The following EXOSC5 variants were observed in gnomAD, a reference collection of about 807,000 sequenced individuals.
EXOSC5 encodes the protein exosome complex component RRP46.
A neutral mutation model predicts 23.7 loss-of-function variants in EXOSC5; 15 were observed. That is an observed-to-expected ratio of 0.63 (90% CI 0.42 to 0.97). The LOEUF (loss-of-function observed/expected upper bound fraction) is 0.97. Among genes scored for constraint, EXOSC5 ranks in the 50% least tolerant of loss-of-function variants. The probability of loss-of-function intolerance (pLI) is 0.00; values close to 1 mark genes in which losing one functional copy is unlikely to be tolerated. For synonymous variants in EXOSC5, 143 were observed against 140.9 expected, an observed-to-expected ratio of 1.02 and a Z score of -0.11; for missense variants, 305 against 316.3, an observed-to-expected ratio of 0.96 and a Z score of 0.27.
chr19:41,392,971 G>C lies in EXOSC5; in HGVS notation c.158C>G (p.Ser53Cys), dbSNP rs1212761500. The C allele has an allele frequency of 1.2e-6, 2 of 1,613,014 alleles. No homozygotes were observed. Among genetic ancestry groups the C allele is most frequent in the African/African-American group, 1.3e-5 (1 of 74,898 alleles). ...GSASFLQGDT[S>C]VLAGVYGPAE... is the part of the protein sequence containing the mutation. ...CGGCCCGTACACACCCGCCAGGACA[G>C]AGGTGTCACCTGAGGAGACAGCAGG... The change falls in exon 2 of 6, where the codon TCT becomes TGT. Residue 53 changes from serine to cysteine, a missense_variant. Coordinates refer to ENST00000221233, the MANE Select transcript of EXOSC5 (RefSeq NM_020158.4).
rs766392972 is a variant in EXOSC5, at chr19:41,392,883, C to T, written c.246G>A (p.Pro82=). The change falls in exon 2 of 6, where the codon CCG becomes CCA. Residue 82 remains proline, a synonymous_variant. Transcript: ENST00000221233. ...NKATLEVILR[P]KIGLPGVAEK... ...CCCAATTACCAGGCAGCCCAATCTT[C>T]GGCCTCAGGATCACTTCGAGTGTGG... 3.0e-5 allele frequency: 48 copies of T among 1,613,816 alleles called. No homozygotes were observed. The highest frequency in any genetic ancestry group is 1.7e-4 in the Middle Eastern group (1 of 5,972).
chr19:41,394,972 T>C (rs2039050739), intron 1 of EXOSC5, among the ~76,000 whole-genome samples: 1 of 146,646 alleles, frequency 6.8e-6, no homozygotes, highest in African/African-American at 2.5e-5. Context: ...AGGTGGAGGG[T>C]GCAGTGAGCC....
intron 1 of EXOSC5, among the ~76,000 whole-genome samples, chr19:41,393,735 T>A (rs1011130447): frequency 1.3e-5 from 2 of 151,960 alleles, no homozygotes; most frequent in African/African-American, 4.8e-5. Context: ...AATTTTTTTA[T>A]TTTTAGTAGA....
At chr19:41,389,635 A>AT in intron 4 of EXOSC5, 130 bp downstream of exon 4, 1 of 1,320,666 alleles carries the variant, frequency 7.6e-7, no homozygotes. Flanking sequence ...AACCATGATG[A>AT]TTAGAGCAGC....
Position 41,397,286 on chromosome 19 carries a change from T to C in EXOSC5, c.43A>G (p.Asn15Asp), listed in dbSNP as rs779063390. Residue 15 changes from asparagine (N) to aspartate (D), a missense_variant, in exon 1 of 6, where the codon AAT becomes GAT. Transcript: ENST00000221233. ...THTDAKIRAE[N>D]GTGSSPRGPG... ...CCCCGAGGGCTGGACCCTGTTCCAT[T>C]TTCAGCACGGATTTTGGCGTCAGTA... 3 of 1,613,868 alleles carry C rather than the reference T, an allele frequency of 1.9e-6. No individual in the cohort carries two copies. In the African/African-American group the frequency reaches 4.0e-5, roughly 22 times the overall value.
chr19:41,387,995 C>A (rs907654608), intron 4 of EXOSC5, among the ~76,000 whole-genome samples: 4 of 152,224 alleles, frequency 2.6e-5, no homozygotes, highest in African/African-American at 4.8e-5. Context: ...GCCAGTCCCA[C>A]TGAGGGGACT....
At chr19:41,394,993 C>T (rs1352829924) in intron 1 of EXOSC5, among the ~76,000 whole-genome samples, 1 of 148,462 alleles carries the variant, frequency 6.7e-6, no homozygotes, top group Non-Finnish European at 1.5e-5. Flanking sequence ...ACGATCACTT[C>T]ACTGCACTCC....
Position 41,386,658 on chromosome 19 carries a change from A to G in EXOSC5, c.683T>C (p.Leu228Pro). ...QHVFRFYRES[L>P]QRRYSKS ...TCAGCTCTTGGAGTAACGCCTCTGC[A>G]GCGATTCCCGGTAGAAACGGAAGAC... The change falls in exon 6 of 6, where the codon CTG (leucine) becomes CCG (proline). Residue 228 changes from leucine to proline, a missense_variant. Leu to Pro is a moderately conservative substitution (Grantham distance 98, BLOSUM62 -3). Transcript: ENST00000221233. The G allele has an allele frequency of 1.3e-6, 2 of 1,599,342 alleles. No homozygotes were observed.
Position 41,386,677 on chromosome 19 carries a change from G to C in EXOSC5, c.664C>G (p.Arg222Gly). Residue 222 changes from arginine (R) to glycine (G), a missense_variant, in exon 6 of 6, where the codon CGT (arginine) becomes GGT (glycine). Transcript: ENST00000221233. ...AAQAASQHVF[R>G]FYRESLQRRY... ...CTCTGCAGCGATTCCCGGTAGAAAC[G>C]GAAGACGTGTTGCGAAGCGGCCTGG... 1 of 1,604,270 alleles carries C rather than the reference G, an allele frequency of 6.2e-7. No homozygotes were observed. Among genetic ancestry groups the C allele is most frequent in the South Asian group, 1.1e-5 (1 of 89,212 alleles).
Position 41,389,837 on chromosome 19 carries a change from G to A in EXOSC5, c.453C>T (p.Leu151=), listed in dbSNP as rs2039010561. 6.2e-7 allele frequency: 1 copy of A among 1,614,154 alleles called. No individual in the cohort carries two copies. The highest frequency in any genetic ancestry group is 8.5e-7 in the Non-Finnish European group (1 of 1,180,008). Residue 151 remains leucine, a synonymous_variant, in exon 4 of 6, where the codon CTC becomes CTT. Coordinates refer to ENST00000221233, the MANE Select transcript of EXOSC5 (RefSeq NM_020158.4). ...CCAGGGCGCAGGCGACCCCACAGAAGAGAGCCCGCATGGGCACACCTGCAT... is the reference window on the plus strand; with the variant it reads ...CCAGGGCGCAGGCGACCCCACAGAAAAGAGCCCGCATGGGCACACCTGCAT... The part of the protein sequence containing the change: ...LVDAGVPMRA[L]FCGVACALDS...
chr19:41,386,496 A>C lies in EXOSC5; in HGVS notation c.*137T>G. Reference sequence around the variant, plus strand: ...CTGTCACAGGCCAAGGCCTCCCCACAGGAGCCCTGTGGTTACAGAGCTGCA... The same window carrying C: ...CTGTCACAGGCCAAGGCCTCCCCACCGGAGCCCTGTGGTTACAGAGCTGCA... On this transcript the variant is annotated 3_prime_UTR_variant, in exon 6 of 6. Transcript: ENST00000221233. 1 of 775,794 alleles carries C rather than the reference A, an allele frequency of 1.3e-6. No individual in the cohort carries two copies. 48.1% of individuals were successfully genotyped at this position (775,794 alleles called of 1,614,324 possible).
In EXOSC5 at chr19:41,391,906, G is replaced by T; in HGVS notation, c.319C>A (p.Leu107Met). Residue 107 changes from leucine to methionine, a missense_variant, in exon 3 of 6, where the codon CTG (leucine) becomes ATG (methionine). By Grantham distance (15) the Leu-to-Met change is conservative. Transcript: ENST00000221233. ...LIRNTCEAVV[L>M]GTLHPRTSIT... ...GAGGTGCGGGGGTGCAACGTGCCCA[G>T]CACCACCGCCTCGCACGTGTTCCTG... 6.4e-7 allele frequency: 1 copy of T among 1,573,130 alleles called. No homozygotes were observed. Among genetic ancestry groups the T allele is most frequent in the Non-Finnish European group, 8.6e-7 (1 of 1,164,444 alleles).
chr19:41,394,463 C>T (rs1167676655), intron 1 of EXOSC5, among the ~76,000 whole-genome samples: 1 of 151,618 alleles, frequency 6.6e-6, no homozygotes, highest in Non-Finnish European at 1.5e-5. Context: ...GGTGGGAGGA[C>T]TGCTTGAGGC....
intron 3 of EXOSC5, among the ~76,000 whole-genome samples, chr19:41,390,240 G>A (rs8105833): frequency 0.56 from 85,288 of 151,990 alleles, 24,264 homozygotes; most frequent in Middle Eastern, 0.6. Flanking sequence ...AGCCTAAGAA[G>A]TTTCTACTGT....
At chr19:41,390,902 C>T (rs1243663987) in intron 3 of EXOSC5, among the ~76,000 whole-genome samples, 1 of 152,152 alleles carries the variant, frequency 6.6e-6, no homozygotes. Flanking sequence ...CTGTCCAGTT[C>T]AGGGCCACGT....
intron 4 of EXOSC5, among the ~76,000 whole-genome samples, chr19:41,388,985 A>C (rs562909778): frequency 1.8e-4 from 27 of 152,328 alleles, no homozygotes; most frequent in African/African-American, 6.5e-4. Context: ...TCACTCTTTC[A>C]TCCAGGCTGG....
At chr19:41,389,007 G>A (rs1201242156) in intron 4 of EXOSC5, among the ~76,000 whole-genome samples, 1 of 152,212 alleles carries the variant, frequency 6.6e-6, no homozygotes, top group Admixed American at 6.5e-5. Flanking sequence ...GTGAAGTGGT[G>A]CGATCTCAGC....
chr19:41,392,796 G>T (rs1599941431), intron 2 of EXOSC5, 71 bp downstream of exon 2: 6 of 1,409,694 alleles, frequency 4.3e-6, no homozygotes, highest in South Asian at 3.5e-5. Context: ...CGGGGCAGCT[G>T]GTAGGGAGGA....
chr19:41,388,844 C>G (rs2039002809), intron 4 of EXOSC5, among the ~76,000 whole-genome samples: 1 of 152,194 alleles, frequency 6.6e-6, no homozygotes. Context: ...GGGTCAGTCC[C>G]AGCCTCAGGA....
Sources: allele counts gnomAD v4.1 joint callset (sites outside exome capture counted in the v4.1 genomes callset), GRCh38; gene constraint gnomAD v4.1.1; transcripts MANE v1.5; gene names NCBI Gene and HGNC (gene_info 2026-07-23, HGNC 2026-07-21).